Variants in BCO1 observed in about 807,000 individuals in gnomAD.
The protein encoded by BCO1 is beta,beta-carotene 15,15'-dioxygenase.
BCO1 carries 54 observed loss-of-function variants against 56.3 expected under a neutral mutation model. The observed-to-expected ratio is 0.96, with a 90% CI of 0.77 to 1.20. BCO1 has a LOEUF of 1.20. Among genes scored for constraint, BCO1 ranks in the 50% most tolerant of loss-of-function variants. BCO1 has a pLI of 0.00. For synonymous variants in BCO1, 318 were observed against 266.1 expected (o/e 1.20, Z -1.90); for missense variants, 801 against 690.9 (o/e 1.16, Z -1.79).
intron 7 of BCO1, among the ~76,000 whole-genome samples, chr16:81,275,288 C>T (rs1003843840): frequency 6.6e-6 from 1 of 152,228 alleles, no homozygotes; most frequent in Non-Finnish European, 1.5e-5. Context: ...GCTGGCTGCA[C>T]ATTGGGATCC....
chr16:81,252,051 C>T (rs1905840070), intron 2 of BCO1, among the ~76,000 whole-genome samples: 1 of 151,982 alleles, frequency 6.6e-6, no homozygotes, highest in Non-Finnish European at 1.5e-5. Context: ...CATGGAGGCT[C>T]CTTCTGTAAT....
intron 7 of BCO1, among the ~76,000 whole-genome samples, chr16:81,272,228 C>T (rs1271070843): frequency 6.6e-6 from 1 of 151,268 alleles, no homozygotes; most frequent in Admixed American, 6.6e-5. Context: ...ATTCTCCTTC[C>T]TCAGCCTCCC....
intron 7 of BCO1, among the ~76,000 whole-genome samples, chr16:81,277,793 T>C (rs1907644940): frequency 6.6e-6 from 1 of 152,206 alleles, no homozygotes; most frequent in Admixed American, 6.5e-5. Flanking sequence ...CTGAGCATGC[T>C]GGCCACTGAA....
chr16:81,245,313 C>A (rs1425966282), intron 1 of BCO1, among the ~76,000 whole-genome samples, 162 bp from the exon 2 acceptor site: 1 of 152,174 alleles, frequency 6.6e-6, no homozygotes, highest in Non-Finnish European at 1.5e-5. Context: ...TAGCCAACTG[C>A]CCAACACATT....
At chr16:81,279,633 C>A (rs1186482472) in intron 7 of BCO1, among the ~76,000 whole-genome samples, 1 of 152,156 alleles carries the variant, frequency 6.6e-6, no homozygotes, top group East Asian at 1.9e-4. Context: ...GGAAACGGAA[C>A]TATAGAGAGG....
chr16:81,273,941 C>T (rs1474858064), intron 7 of BCO1, among the ~76,000 whole-genome samples: 1 of 152,218 alleles, frequency 6.6e-6, no homozygotes, highest in African/African-American at 2.4e-5. Flanking sequence ...CATTGATTTT[C>T]TCCCCTATGT....
intron 1 of BCO1, among the ~76,000 whole-genome samples, chr16:81,242,873 G>A (rs1028454529): frequency 2.6e-5 from 4 of 152,086 alleles, no homozygotes; most frequent in African/African-American, 9.7e-5. Flanking sequence ...ACCCTACTGT[G>A]AGCGTGAACC....
intron 1 of BCO1, among the ~76,000 whole-genome samples, chr16:81,243,036 A>G (rs2151924515): frequency 6.6e-6 from 1 of 152,242 alleles, no homozygotes; most frequent in Admixed American, 6.5e-5. Flanking sequence ...GGAATCCAGA[A>G]CAGGCAAATC....
chr16:81,290,320 GA>G (rs752618925), intron 10 of BCO1, 27 bp from the exon 11 acceptor site: 2 of 1,578,238 alleles, frequency 1.3e-6, no homozygotes, highest in East Asian at 4.5e-5. Context: ...GCACTTTTAC[GA>G]AGTGTTTTTT....
rs1904967897 is a variant in BCO1, at chr16:81,238,693, A to G, written c.-216A>G. 1 of 598,584 alleles carries G rather than the reference A, an allele frequency of 1.7e-6. No homozygotes were observed. 37.1% of individuals were successfully genotyped at this position (598,584 alleles called of 1,614,324 possible). A position where few individuals can be genotyped will look rare whatever the true frequency, so the allele number is the denominator to read the frequency against. The stretch of plus-strand genomic sequence containing the variant: ...AACGCCAGCGCAGCTTCCCTTGTGA[A>G]TGTAAAGAGATCCAGGGCTCTTGGA... On this transcript the variant is annotated 5_prime_UTR_variant, in exon 1 of 11. An upstream start codon of the reference 5' UTR is lost. Transcript: ENST00000258168.
Position 81,285,625 on chromosome 16 carries a change from C to G in BCO1, c.1293C>G (p.Ile431Met). 6.2e-7 allele frequency: 1 copy of G among 1,602,412 alleles called. No homozygotes were observed. The highest frequency in any genetic ancestry group is 8.6e-7 in the Non-Finnish European group (1 of 1,169,282). ...CTACAGGAGTTCAGTGGAGTCCAAT[C>G]CCAACCAAGGTACTGGTCTCTGTGT... ...VFATGVQWSPIPTKIIKYDIL... is the reference protein window; with the variant it reads ...VFATGVQWSPMPTKIIKYDIL... Residue 431 changes from isoleucine (I) to methionine (M), a missense_variant, in exon 9 of 11, where the codon ATC becomes ATG. Physicochemically the swap from Ile to Met is conservative, Grantham distance 10. Transcript: ENST00000258168.
At chr16:81,265,566 C>T (rs1906763822) in intron 5 of BCO1, among the ~76,000 whole-genome samples, 1 of 146,654 alleles carries the variant, frequency 6.8e-6, no homozygotes, top group South Asian at 2.3e-4. Flanking sequence ...TCCATCCATC[C>T]ATTGAGCTTC....
At chr16:81,243,847 A>G (rs1567696999) in intron 1 of BCO1, among the ~76,000 whole-genome samples, 1 of 152,232 alleles carries the variant, frequency 6.6e-6, no homozygotes. Flanking sequence ...ACGTGATCCC[A>G]AGAAACATCA....
At position 81,270,460 on chromosome 16, in the gene BCO1, C is replaced by T. The variant is rs371276390; in HGVS notation, c.1101+44C>T. 1.4e-4 allele frequency: 221 copies of T among 1,611,636 alleles called. No homozygotes were observed. The Middle Eastern group carries it at 2.0e-3, about 14-fold the overall frequency. Reference sequence around the variant, plus strand: ...GTCCCTTTTCTTTCTAGAGAGATATCGGCCCAGGTGGGAAGTTACTTTGGC... The same window carrying T: ...GTCCCTTTTCTTTCTAGAGAGATATTGGCCCAGGTGGGAAGTTACTTTGGC... On this transcript the variant is annotated intron_variant, in intron 7 of 10. Transcript: ENST00000258168.
In BCO1 at chr16:81,287,384, A is replaced by G; in HGVS notation, c.1392A>G (p.Pro464=). ...CGGAACCCCTGTTTGTGCCCGCGCC[A>G]GGTGCCAAGGATGAGGATGACGGTA... ...WPAEPLFVPA[P]GAKDEDDGVI... is the part of the protein sequence containing the mutation. The change falls in exon 10 of 11, where the codon CCA becomes CCG. Residue 464 remains proline, a synonymous_variant. Coordinates refer to ENST00000258168, the MANE Select transcript of BCO1 (RefSeq NM_017429.3). 6.2e-7 allele frequency: 1 copy of G among 1,614,014 alleles called. No homozygotes were observed. The highest frequency in any genetic ancestry group is 8.5e-7 in the Non-Finnish European group (1 of 1,179,952).
chr16:81,242,357 C>T (rs933964841), intron 1 of BCO1, among the ~76,000 whole-genome samples: 3 of 152,012 alleles, frequency 2.0e-5, no homozygotes, highest in Non-Finnish European at 4.4e-5. Context: ...CCCACCACCA[C>T]ACCCAGCTAA....
At chr16:81,281,098 G>GA in intron 8 of BCO1, 136 bp downstream of exon 8, 1 of 698,032 alleles carries the variant, frequency 1.4e-6, no homozygotes, top group Non-Finnish European at 2.6e-6. Flanking sequence ...ATGCCCTGGT[G>GA]AAAAGCATCT....
chr16:81,275,963 TG>T (rs1907531884), intron 7 of BCO1, among the ~76,000 whole-genome samples: 2 of 152,168 alleles, frequency 1.3e-5, no homozygotes, highest in African/African-American at 4.8e-5. Context: ...ATCTGGACCT[TG>T]GCCCTGCCCT....
intron 6 of BCO1, among the ~76,000 whole-genome samples, chr16:81,269,156 G>A (rs545153997): frequency 1.5e-5 from 2 of 134,134 alleles, no homozygotes; most frequent in East Asian, 2.3e-4. Flanking sequence ...GAATATACAA[G>A]TATAGAAAGC....
Sources: gnomAD v4.1 joint callset for allele counts (sites outside exome capture counted in the v4.1 genomes callset) on GRCh38, gnomAD v4.1.1 for gene constraint, MANE v1.5 for transcripts, NCBI Gene and HGNC (gene_info 2026-07-23, HGNC 2026-07-21) for gene names.